ARSB: variants seen among roughly 807,000 people sequenced by gnomAD.
ARSB encodes the protein N-acetylgalactosamine-4-sulfatase.
Under a neutral mutation model 50.9 loss-of-function variants are expected in ARSB, and 41 were observed. That is an observed-to-expected ratio of 0.81 (90% CI 0.63 to 1.04). The LOEUF (loss-of-function observed/expected upper bound fraction) is 1.04. Among genes scored for constraint, ARSB ranks in the 50% least tolerant of loss-of-function variants. ARSB has a pLI of 0.00. For synonymous variants in ARSB, 269 were observed against 284.8 expected (o/e 0.94, Z 0.56); for missense variants, 672 against 693.3 (o/e 0.97, Z 0.35).
rs756883599 is a variant in ARSB at position 78,970,701 on chromosome 5, C to T, written c.313-1509G>A. 8.5e-5 allele frequency among the ~76,000 whole-genome samples: 13 copies of T among 152,314 alleles called. No individual in the cohort carries two copies. The South Asian group carries it at 2.1e-3, about 24-fold the overall frequency. On this transcript the variant is annotated intron_variant, in intron 1 of 7. Coordinates refer to ENST00000264914, the MANE Select transcript of ARSB (RefSeq NM_000046.5). ...AGGCGGGGTGGCTTATCCCTACAAT[C>T]CCAACACTTTGGGAGGCTAAGGCAG...
At chr5:78,843,516 A>G (rs1293062511) in intron 5 of ARSB, among the ~76,000 whole-genome samples, 1 of 152,232 alleles carries the variant, frequency 6.6e-6, no homozygotes, top group Admixed American at 6.5e-5. Flanking sequence ...CAGCCTGGGC[A>G]TAAAGATTTA....
intron 1 of ARSB, among the ~76,000 whole-genome samples, chr5:78,970,869 G>A (rs1752424952): frequency 6.6e-6 from 1 of 151,944 alleles, no homozygotes; most frequent in Admixed American, 6.5e-5. Context: ...ACTGAGGTGG[G>A]AGGATCACTT....
intron 6 of ARSB, chr5:78,817,111 A>G: frequency 1.0e-6 from 1 of 985,418 alleles, no homozygotes; most frequent in Non-Finnish European, 1.2e-6. Context: ...TGTCTTCCGG[A>G]CTTCAGTTCA....
Position 78,973,060 on chromosome 5 carries a change from G to A in ARSB, c.313-3868C>T, listed in dbSNP as rs182040090. ...GAGAAGCAGTAAACAGGCAAATGCC[G>A]AACTGGTTCCAACCCAGCACTTCAG... On this transcript the variant is annotated intron_variant, in intron 1 of 7. Coordinates refer to ENST00000264914, the MANE Select transcript of ARSB (RefSeq NM_000046.5). Among the ~76,000 whole-genome samples the A allele has an allele frequency of 1.1e-4, 17 of 152,262 alleles. No individual in the cohort carries two copies. The East Asian group carries it at 1.5e-3, about 14-fold the overall frequency.
At chr5:78,914,697 G>T (rs538294421) in intron 4 of ARSB, among the ~76,000 whole-genome samples, 1 of 152,264 alleles carries the variant, frequency 6.6e-6, no homozygotes, top group African/African-American at 2.4e-5. Flanking sequence ...TTGTTTTTGA[G>T]ACAGAGTCTC....
intron 6 of ARSB, among the ~76,000 whole-genome samples, chr5:78,805,190 T>C (rs1419469613): frequency 6.6e-6 from 1 of 152,202 alleles, no homozygotes; most frequent in Non-Finnish European, 1.5e-5. Flanking sequence ...TAATAATTGC[T>C]GAGTCGCATA....
At chr5:78,853,459 T>C (rs1297207066) in intron 5 of ARSB, among the ~76,000 whole-genome samples, 1 of 152,232 alleles carries the variant, frequency 6.6e-6, no homozygotes, top group Non-Finnish European at 1.5e-5. Flanking sequence ...GGTGTCAGTC[T>C]GCCCCTACTG....
At chr5:78,857,053 T>C (rs747193800) in intron 5 of ARSB, among the ~76,000 whole-genome samples, 11 of 152,198 alleles carry the variant, frequency 7.2e-5, no homozygotes, top group Non-Finnish European at 1.6e-4. Context: ...AGCCCTTTTA[T>C]TGTAAAATAT....
intron 5 of ARSB, among the ~76,000 whole-genome samples, chr5:78,846,911 T>C (rs1177616519): frequency 2.0e-5 from 3 of 152,212 alleles, no homozygotes; most frequent in African/African-American, 7.2e-5. Context: ...TTTATCGTGT[T>C]GAGCTGTGGT....
chr5:78,857,984 C>T (rs1325751854), intron 5 of ARSB, among the ~76,000 whole-genome samples: 1 of 152,186 alleles, frequency 6.6e-6, no homozygotes, highest in African/African-American at 2.4e-5. Context: ...ACCTTCAACA[C>T]TGTGAGGTAG....
Position 78,866,464 on chromosome 5 carries a change from A to G in ARSB, c.1142+19120T>C, listed in dbSNP as rs576801873. ...ATTTGGGTGGGGACACAGCCAAACC[A>G]TATCAAGGGGAAAGGACTCAAATAA... is the stretch of plus-strand genomic sequence containing the variant. On this transcript the variant is annotated intron_variant, in intron 5 of 7. Coordinates refer to ENST00000264914, the MANE Select transcript of ARSB (RefSeq NM_000046.5). Among the ~76,000 whole-genome samples, 47 of 152,300 alleles carry G rather than the reference A, an allele frequency of 3.1e-4. No individual in the cohort carries two copies. The East Asian group carries it at 6.9e-3, about 22-fold the overall frequency.
chr5:78,923,389 T>A (rs973545280), intron 4 of ARSB, among the ~76,000 whole-genome samples: 2 of 152,214 alleles, frequency 1.3e-5, no homozygotes, highest in Non-Finnish European at 2.9e-5. Context: ...GGCACTGTGA[T>A]TGCCCCTGTG....
At chr5:78,874,496 A>C (rs1747396011) in intron 5 of ARSB, among the ~76,000 whole-genome samples, 1 of 152,284 alleles carries the variant, frequency 6.6e-6, no homozygotes, top group African/African-American at 2.4e-5. Flanking sequence ...AACCTAAGTA[A>C]GAAAAAAGGG....
chr5:78,984,870 G>C (rs993080867), intron 1 of ARSB, 67 bp downstream of exon 1: 2 of 1,220,172 alleles, frequency 1.6e-6, no homozygotes, highest in Admixed American at 4.4e-5. Flanking sequence ...CAAGGGCCGG[G>C]TAGGAGCGGC....
intron 6 of ARSB, among the ~76,000 whole-genome samples, chr5:78,834,362 T>A (rs1744836553): frequency 6.6e-6 from 1 of 151,590 alleles, no homozygotes; most frequent in South Asian, 2.1e-4. Flanking sequence ...ATCATCACCA[T>A]CCATCTCTAC....
chr5:78,934,533 A>C (rs1205489388), intron 4 of ARSB, among the ~76,000 whole-genome samples: 9 of 152,132 alleles, frequency 5.9e-5, no homozygotes, highest in Admixed American at 4.6e-4. Flanking sequence ...TTAATGAAAG[A>C]GAAAATGTTA....
intron 6 of ARSB, chr5:78,816,079 G>A (rs774041558): frequency 6.2e-7 from 1 of 1,614,108 alleles, no homozygotes; most frequent in Non-Finnish European, 8.5e-7. Context: ...TAGAAAGTTG[G>A]TGGTAGCTAC....
intron 4 of ARSB, among the ~76,000 whole-genome samples, chr5:78,950,366 T>G (rs76632027): frequency 0.034 from 5,154 of 152,194 alleles, 257 homozygotes; most frequent in African/African-American, 0.12. Flanking sequence ...CTTTGCCTCA[T>G]GACACAGAGC....
intron 2 of ARSB, among the ~76,000 whole-genome samples, chr5:78,965,895 T>C (rs1052821201): frequency 2.6e-5 from 4 of 152,214 alleles, no homozygotes; most frequent in Non-Finnish European, 4.4e-5. Context: ...AAATAACTTT[T>C]ATATGGCAAT....
Sources: allele counts gnomAD v4.1 joint callset (sites outside exome capture counted in the v4.1 genomes callset), GRCh38; gene constraint gnomAD v4.1.1; transcripts MANE v1.5; gene names NCBI Gene and HGNC (gene_info 2026-07-23, HGNC 2026-07-21).